The following LOC400499 variants were observed in gnomAD, a reference collection of about 807,000 sequenced individuals.
chr16:11,522,549 G>A, the LOC400499 span, among the ~76,000 whole-genome samples: 2 of 152,174 alleles, frequency 1.3e-5, no homozygotes, highest in Non-Finnish European at 2.9e-5. Flanking sequence ...CCAGGGGAGG[G>A]AGGGCCACAA....
chr16:11,498,094 G>A, the LOC400499 span, among the ~76,000 whole-genome samples: 1 of 152,160 alleles, frequency 6.6e-6, no homozygotes, highest in Non-Finnish European at 1.5e-5. Context: ...GACAAGCCAG[G>A]AAGCACTGGG....
the LOC400499 span, chr16:11,470,614 G>A: frequency 6.6e-6 from 1 of 152,294 alleles, no homozygotes; most frequent in Non-Finnish European, 1.5e-5. Context: ...AACACCAACA[G>A]AGATGTGTGC....
the LOC400499 span, among the ~76,000 whole-genome samples, chr16:11,447,754 G>C: frequency 2.6e-5 from 4 of 152,198 alleles, no homozygotes; most frequent in South Asian, 8.3e-4. Flanking sequence ...GAGGGGGCGA[G>C]GGATGTGGGA....
chr16:11,415,695 T>C, the LOC400499 span, among the ~76,000 whole-genome samples: 1 of 151,828 alleles, frequency 6.6e-6, no homozygotes, highest in Non-Finnish European at 1.5e-5. Flanking sequence ...CCCCAGGAGG[T>C]AGGGACAACA....
the LOC400499 span, among the ~76,000 whole-genome samples, chr16:11,493,419 C>A: frequency 6.6e-6 from 1 of 152,182 alleles, no homozygotes; most frequent in African/African-American, 2.4e-5. Flanking sequence ...AGAGGGGGCA[C>A]AGATGGCACT....
chr16:11,422,606 T>C, the LOC400499 span, among the ~76,000 whole-genome samples: 1 of 152,114 alleles, frequency 6.6e-6, no homozygotes, highest in Non-Finnish European at 1.5e-5. Context: ...TGCTACTCCA[T>C]ATAGGTCAAA....
At chr16:11,417,901 C>G in the LOC400499 span, 1 of 398,162 alleles carries the variant, frequency 2.5e-6, no homozygotes, top group Non-Finnish European at 4.4e-6. Flanking sequence ...CTGGGTCAAG[C>G]TGGCACTGGC....
the LOC400499 span, chr16:11,448,967 G>A: frequency 2.7e-6 from 4 of 1,503,418 alleles, no homozygotes; most frequent in Non-Finnish European, 1.8e-6. Context: ...CCTGCTGGGG[G>A]CCTTTCAACC....
At chr16:11,431,829 C>T in the LOC400499 span, among the ~76,000 whole-genome samples, 7,088 of 152,284 alleles carry the variant, frequency 0.047, 445 homozygotes, top group East Asian at 0.24. Flanking sequence ...TGCATTAACA[C>T]GTGAGATCTA....
chr16:11,384,140 C>G, the LOC400499 span: 1 of 1,214,182 alleles, frequency 8.2e-7, no homozygotes, highest in Non-Finnish European at 1.0e-6. Context: ...AGGCCGCCTG[C>G]CTCTCCCGGG....
chr16:11,440,171 G>C, the LOC400499 span, among the ~76,000 whole-genome samples: 1 of 152,096 alleles, frequency 6.6e-6, no homozygotes, highest in South Asian at 2.1e-4. Flanking sequence ...TGAATGAATG[G>C]ACAGGAATGA....
At chr16:11,429,107 A>G in the LOC400499 span, among the ~76,000 whole-genome samples, 13 of 152,220 alleles carry the variant, frequency 8.5e-5, no homozygotes, top group Non-Finnish European at 1.9e-4. Flanking sequence ...CTGTGTCCCC[A>G]ACAACCCTCA....
the LOC400499 span, among the ~76,000 whole-genome samples, chr16:11,526,986 A>G: frequency 6.6e-6 from 1 of 152,200 alleles, no homozygotes. Context: ...AAGCAAAACA[A>G]AAGGTGGCAG....
At chr16:11,462,427 A>C in the LOC400499 span, 1 of 1,286,348 alleles carries the variant, frequency 7.8e-7, no homozygotes, top group Non-Finnish European at 9.8e-7. Flanking sequence ...ACCGATCCTT[A>C]CCCAATTTTT....
At chr16:11,490,807 A>G in the LOC400499 span, among the ~76,000 whole-genome samples, 50 of 152,258 alleles carry the variant, frequency 3.3e-4, no homozygotes, top group Admixed American at 3.3e-4. Flanking sequence ...TATGTATTAC[A>G]AGTTCTGATG....
chr16:11,491,723 C>T, the LOC400499 span: 1 of 398,748 alleles, frequency 2.5e-6, no homozygotes, highest in African/African-American at 2.1e-5. Flanking sequence ...GCTCGCCTGC[C>T]TGGGTGCGCC....
the LOC400499 span, among the ~76,000 whole-genome samples, chr16:11,445,470 C>T: frequency 6.6e-6 from 1 of 151,744 alleles, no homozygotes; most frequent in Admixed American, 6.6e-5. Context: ...AGGGTAAGCA[C>T]GGGTCTGTGT....
At chr16:11,393,392 C>G in the LOC400499 span, 1 of 1,232,322 alleles carries the variant, frequency 8.1e-7, no homozygotes, top group Non-Finnish European at 1.0e-6. Context: ...GCCACTCACC[C>G]TCCTCATGGG....
chr16:11,478,525 G>C, the LOC400499 span: 2 of 399,088 alleles, frequency 5.0e-6, no homozygotes, highest in Admixed American at 4.4e-5. Context: ...GCAGGGAGGA[G>C]CTACCTTCAT....
Sources: gnomAD v4.1 joint callset for allele counts (sites outside exome capture counted in the v4.1 genomes callset) on GRCh38, gnomAD v4.1.1 for gene constraint, MANE v1.5 for transcripts.